The following MTREX variants were observed in gnomAD, a reference collection of about 807,000 sequenced individuals.
MTREX encodes the protein exosome RNA helicase MTR4.
Under a neutral mutation model 135.4 loss-of-function variants are expected in MTREX, and 76 were observed. The observed-to-expected ratio is 0.56, with a 90% CI of 0.47 to 0.68. The LOEUF (loss-of-function observed/expected upper bound fraction) is 0.68, where lower values mean the gene tolerates loss of function less well. MTREX is among the 30% of genes least tolerant of loss of function. MTREX has a pLI of 0.00. For synonymous variants in MTREX, 404 were observed against 401.6 expected (o/e 1.01, Z -0.07); for missense variants, 920 against 1,262.1 (o/e 0.73, Z 4.11).
At chr5:55,350,169 C>T (rs1023799742) in intron 12 of MTREX, among the ~76,000 whole-genome samples, 8 of 145,864 alleles carry the variant, frequency 5.5e-5, no homozygotes, top group African/African-American at 2.0e-4. Context: ...TTTTAAAGGC[C>T]CCCCAGGTGA....
At chr5:55,367,507 A>C (rs1393267729) in intron 16 of MTREX, among the ~76,000 whole-genome samples, 5 of 151,760 alleles carry the variant, frequency 3.3e-5, no homozygotes, top group Admixed American at 3.3e-4. Context: ...AAAGCAGCAC[A>C]TGCCTATTAG....
rs559474667 is a variant in MTREX at position 55,425,397 on chromosome 5, G to A, written c.*625G>A. 1.4e-6 allele frequency: 2 copies of A among 1,398,940 alleles called. No individual in the cohort carries two copies. The highest frequency in any genetic ancestry group is 2.0e-6 in the Non-Finnish European group (2 of 1,016,088). 86.7% of individuals were successfully genotyped at this position (1,398,940 alleles called of 1,614,324 possible). Reference sequence around the variant, plus strand: ...AGTTAAAAACTACATACAAAGTTGTGATCAACAGCATCCTAAGATAAATAT... The same window carrying A: ...AGTTAAAAACTACATACAAAGTTGTAATCAACAGCATCCTAAGATAAATAT... On this transcript the variant is annotated 3_prime_UTR_variant, in exon 27 of 27. Transcript: ENST00000230640.
intron 16 of MTREX, among the ~76,000 whole-genome samples, chr5:55,371,284 G>A (rs1467122862): frequency 6.6e-6 from 1 of 152,132 alleles, no homozygotes; most frequent in East Asian, 1.9e-4. Flanking sequence ...TTGCCATAGA[G>A]CAGTAAAGCA....
intron 18 of MTREX, among the ~76,000 whole-genome samples, chr5:55,379,475 G>A (rs758801661): frequency 1.3e-5 from 2 of 151,496 alleles, no homozygotes; most frequent in Admixed American, 6.6e-5. Flanking sequence ...GTGAGCCACC[G>A]CACCAAGCCA....
At position 55,315,847 on chromosome 5, in the gene MTREX, T is replaced by C. The variant is rs1424321015; in HGVS notation, c.135-6480T>C. On this transcript the variant is annotated intron_variant, in intron 1 of 26. Transcript: ENST00000230640. ...CTGGGGCCACCCTGGATGATACAGC[T>C]GGGACCCAACTTGAAAAAAAAAAAA... Among the ~76,000 whole-genome samples the C allele has an allele frequency of 2.1e-5, 3 of 145,074 alleles. No homozygotes were observed. The East Asian group carries it at 6.0e-4, about 29-fold the overall frequency.
chr5:55,382,364 G>A (rs898403395), intron 18 of MTREX, among the ~76,000 whole-genome samples: 2 of 152,008 alleles, frequency 1.3e-5, no homozygotes, highest in African/African-American at 4.8e-5. Flanking sequence ...TAGCGAGAGA[G>A]AGAGATTTTC....
In MTREX at chr5:55,310,586, C is replaced by T. The variant is rs575595967; in HGVS notation, c.134+2439C>T. On this transcript the variant is annotated intron_variant, in intron 1 of 26. Transcript: ENST00000230640. ...CTGTGCCACTGCACTCCAGCCTGGG[C>T]GACAGAGCTTGACTCCATCTCAAAA... is the stretch of plus-strand genomic sequence containing the variant. Among the ~76,000 whole-genome samples, 33 of 151,464 alleles carry T rather than the reference C, an allele frequency of 2.2e-4. No individual in the cohort carries two copies. The South Asian group carries it at 2.5e-3, about 11-fold the overall frequency.
rs565728621 is a variant in MTREX, at chr5:55,370,646, A to G, written c.1810+3771A>G. On this transcript the variant is annotated intron_variant, in intron 16 of 26. Transcript: ENST00000230640. The stretch of plus-strand genomic sequence containing the variant: ...ATACTTTTTAATGGAAGAGGTAGGA[A>G]TTTGAGTGATGAAAGAGAAATAAGG... 1.8e-4 allele frequency among the ~76,000 whole-genome samples: 27 copies of G among 152,302 alleles called. No homozygotes were observed. The South Asian group carries it at 5.6e-3, about 32-fold the overall frequency.
At chr5:55,369,385 T>A (rs1349779824) in intron 16 of MTREX, among the ~76,000 whole-genome samples, 2 of 152,210 alleles carry the variant, frequency 1.3e-5, no homozygotes, top group Non-Finnish European at 2.9e-5. Context: ...CAGCTAGCAG[T>A]TAGACTGTTT....
At chr5:55,350,250 A>G (rs530125257) in intron 12 of MTREX, among the ~76,000 whole-genome samples, 3 of 152,310 alleles carry the variant, frequency 2.0e-5, no homozygotes, top group Admixed American at 1.3e-4. Context: ...GTGGAAAGAA[A>G]CATTGGGAGA....
chr5:55,402,872 G>GTGTGTATA (rs70992784), intron 21 of MTREX, among the ~76,000 whole-genome samples: 18 of 138,848 alleles, frequency 1.3e-4, no homozygotes, highest in Admixed American at 2.2e-4. Context: ...GTGTGTGTGT[G>GTGTGTATA]TATATATATA....
chr5:55,381,491 T>G (rs535495893), intron 18 of MTREX, among the ~76,000 whole-genome samples: 1 of 152,358 alleles, frequency 6.6e-6, no homozygotes, highest in Admixed American at 6.5e-5. Flanking sequence ...TATTTTCTAA[T>G]TTCCCTTTTG....
Position 55,371,772 on chromosome 5 carries a change from A to T in MTREX, c.1810+4897A>T, listed in dbSNP as rs1049503005. ...CAGTTTTTTTTTAACATGAGAAAAG[A>T]TTAGAGAAACTGATTTTTGTTTGTT... On this transcript the variant is annotated intron_variant, in intron 16 of 26. Transcript: ENST00000230640. Among the ~76,000 whole-genome samples, 5 of 152,088 alleles carry T rather than the reference A, an allele frequency of 3.3e-5. No individual in the cohort carries two copies. The South Asian group carries it at 1.0e-3, about 31-fold the overall frequency.
chr5:55,348,978 C>T (rs1378116924), intron 11 of MTREX, among the ~76,000 whole-genome samples: 1 of 151,944 alleles, frequency 6.6e-6, no homozygotes, highest in Non-Finnish European at 1.5e-5. Flanking sequence ...GTTCCTGTGT[C>T]CTGTAATTGT....
At chr5:55,422,792 G>C in intron 25 of MTREX, 86 bp from the exon 26 acceptor site, 1 of 950,676 alleles carries the variant, frequency 1.1e-6, no homozygotes, top group Non-Finnish European at 1.6e-6. Context: ...TAATTATCGT[G>C]TGTTCTCCTG....
chr5:55,412,644 T>C (rs910925292), intron 23 of MTREX, among the ~76,000 whole-genome samples: 2 of 152,216 alleles, frequency 1.3e-5, no homozygotes, highest in African/African-American at 2.4e-5. Context: ...GTGAAACTTA[T>C]ATTGAGGCCT....
At chr5:55,388,223 A>G in intron 19 of MTREX, 121 bp downstream of exon 19, 1 of 712,830 alleles carries the variant, frequency 1.4e-6, no homozygotes, top group South Asian at 4.2e-5. Flanking sequence ...AGAAGTTTTC[A>G]AGGTATTTTA....
chr5:55,350,834 T>C, intron 12 of MTREX, 85 bp from the exon 13 acceptor site: 2 of 1,105,226 alleles, frequency 1.8e-6, no homozygotes, highest in Non-Finnish European at 1.3e-6. Flanking sequence ...GAAAGCATTC[T>C]TTACTGTTTT....
intron 11 of MTREX, among the ~76,000 whole-genome samples, chr5:55,348,102 A>T (rs1330954143): frequency 1.3e-5 from 2 of 152,188 alleles, no homozygotes; most frequent in Non-Finnish European, 2.9e-5. Context: ...GTAATTTATG[A>T]AAGGCAGAAA....
Sources: gnomAD v4.1 joint callset for allele counts (sites outside exome capture counted in the v4.1 genomes callset) on GRCh38, gnomAD v4.1.1 for gene constraint, MANE v1.5 for transcripts, NCBI Gene and HGNC (gene_info 2026-07-23, HGNC 2026-07-21) for gene names.